Variants in EFCAB8 observed in about 807,000 individuals in gnomAD.
The protein encoded by EFCAB8 is EF-hand calcium binding domain 8, also known as EF-hand calcium-binding domain-containing protein 8.
EFCAB8 carries 100 observed loss-of-function variants against 116.3 expected under a neutral mutation model. The observed-to-expected ratio is 0.86, with a 90% CI of 0.73 to 1.02. The LOEUF (loss-of-function observed/expected upper bound fraction) is 1.02. Ranked by LOEUF, EFCAB8 falls within the 50% of genes least tolerant of loss-of-function variation. The probability of loss-of-function intolerance (pLI) is 0.00; values close to 1 mark genes in which losing one functional copy is unlikely to be tolerated. For synonymous variants in EFCAB8, 558 were observed against 567.9 expected (o/e 0.98, Z 0.25); for missense variants, 1,320 against 1,416.9 (o/e 0.93, Z 1.10).
intron 2 of EFCAB8, among the ~76,000 whole-genome samples, chr20:32,864,234 C>G (rs951128185): frequency 6.6e-6 from 1 of 151,838 alleles, no homozygotes; most frequent in Non-Finnish European, 1.5e-5. Flanking sequence ...CTCAGCCTCC[C>G]AAAGTGCTGG....
chr20:32,920,119 GA>G lies in EFCAB8; in HGVS notation c.2317del (p.Ile773SerfsTer33). On this transcript the variant is annotated frameshift_variant, in exon 20 of 27. Transcript: ENST00000400522. LOFTEE classifies it high-confidence loss of function. ...ASGTSRQSSKIHSKQSIYKED... is the reference protein window; with the variant it reads ...ASGTSRQSSKXHSKQSIYKED... ...CTGGCACATCCAGGCAGTCAAGCAA[GA>G]TCCACAGCAAACAGTCCATTTACAA... 6.4e-7 allele frequency: 1 copy of G among 1,551,754 alleles called. No homozygotes were observed. Among genetic ancestry groups the G allele is most frequent in the Non-Finnish European group, 8.7e-7 (1 of 1,147,012 alleles).
At chr20:32,863,219 C>A (rs555478352) in intron 1 of EFCAB8, among the ~76,000 whole-genome samples, 8 of 152,214 alleles carry the variant, frequency 5.3e-5, no homozygotes, top group African/African-American at 1.9e-4. Context: ...GCTCCAAAGA[C>A]CCTAACAAAA....
intron 24 of EFCAB8, among the ~76,000 whole-genome samples, chr20:32,958,787 G>C (rs1423833203): frequency 4.6e-5 from 7 of 152,186 alleles, no homozygotes; most frequent in African/African-American, 1.4e-4. Context: ...GCAGTGAAAG[G>C]GGAAAATACA....
intron 20 of EFCAB8, among the ~76,000 whole-genome samples, chr20:32,923,740 C>G (rs1987556619): frequency 1.3e-5 from 2 of 152,106 alleles, no homozygotes; most frequent in African/African-American, 4.8e-5. Flanking sequence ...TCACTTGACT[C>G]CTCACGGGCA....
chr20:32,916,584 A>C (rs1054609911), intron 17 of EFCAB8, among the ~76,000 whole-genome samples: 1 of 152,134 alleles, frequency 6.6e-6, no homozygotes, highest in Admixed American at 6.6e-5. Context: ...AAAGGCACTG[A>C]TTCCATTTAT....
chr20:32,934,806 G>T (rs1988040024), intron 22 of EFCAB8, among the ~76,000 whole-genome samples: 1 of 152,154 alleles, frequency 6.6e-6, no homozygotes, highest in Non-Finnish European at 1.5e-5. Context: ...TGCCATGATT[G>T]TGAGGCCTCC....
chr20:32,881,090 T>C (rs1223660361), intron 5 of EFCAB8, among the ~76,000 whole-genome samples: 1 of 152,236 alleles, frequency 6.6e-6, no homozygotes, highest in Non-Finnish European at 1.5e-5. Flanking sequence ...TTCAGGTTTG[T>C]AGGCTTCCTT....
chr20:32,959,880 G>A lies in EFCAB8; in HGVS notation c.3192G>A (p.Trp1064Ter), dbSNP rs559588097. 2 of 1,551,498 alleles carry A rather than the reference G, an allele frequency of 1.3e-6. No individual in the cohort carries two copies. Among genetic ancestry groups the A allele is most frequent in the South Asian group, 2.4e-5 (2 of 84,004 alleles). ...AGGCAGATAAGGAGGCAGACACTTG[G>A]GCCAAGCTGCAGAAGATGGCCCTGA... ...HGKADKEADT[W>*]AKLQKMALMS... The change falls in exon 25 of 27, where the codon TGG (tryptophan) becomes TGA (stop). Residue 1064 changes from tryptophan (W) to a stop codon, truncating the protein, a stop_gained. Transcript: ENST00000400522. LOFTEE classifies it high-confidence loss of function.
chr20:32,864,183 G>A (rs1370079874), intron 2 of EFCAB8, among the ~76,000 whole-genome samples: 1 of 151,806 alleles, frequency 6.6e-6, no homozygotes, highest in Non-Finnish European at 1.5e-5. Flanking sequence ...TACCATGTTG[G>A]CCAGGCTGGT....
At chr20:32,958,908 G>C (rs1989054427) in intron 24 of EFCAB8, among the ~76,000 whole-genome samples, 1 of 152,234 alleles carries the variant, frequency 6.6e-6, no homozygotes, top group African/African-American at 2.4e-5. Flanking sequence ...TGGCAGAGGA[G>C]TGCTCAGGCC....
At position 32,863,813 on chromosome 20, in the gene EFCAB8, AG is replaced by A. The variant is rs1291479818; in HGVS notation, c.22del (p.Glu8ArgfsTer50). MSSEDLA[E>X]IPQLQKLSIP... ...GGCTAATGTCTTCTGAAGACTTAGC[AG>A]AGATCCCTCAACTCCAAAAGGTAAG... On this transcript the variant is annotated frameshift_variant, in exon 2 of 27. Transcript: ENST00000400522. LOFTEE classifies it high-confidence loss of function. 1 of 1,551,552 alleles carries A rather than the reference AG, an allele frequency of 6.4e-7. No homozygotes were observed. Among genetic ancestry groups the A allele is most frequent in the Non-Finnish European group, 8.7e-7 (1 of 1,146,884 alleles).
intron 15 of EFCAB8, 112 bp from the exon 16 acceptor site, chr20:32,911,368 A>G: frequency 2.1e-6 from 2 of 932,728 alleles, no homozygotes; most frequent in Admixed American, 3.3e-5. Context: ...GGGGGCCCTG[A>G]ACGTCTGTTT....
chr20:32,919,128 A>T (rs1987335133), intron 19 of EFCAB8, among the ~76,000 whole-genome samples: 1 of 152,108 alleles, frequency 6.6e-6, no homozygotes. Flanking sequence ...CTGTTTCCCT[A>T]CTTGCAGGGG....
chr20:32,867,746 A>T lies in EFCAB8; in HGVS notation c.207A>T (p.Gly69=), dbSNP rs1324375612. The T allele has an allele frequency of 6.4e-7, 1 of 1,550,890 alleles. No homozygotes were observed. ...TTGAGGAGGACATCAACTCGACTGG[A>T]GGTAAGGCCGCTCTGTAGGCTCGGT... ...KMFEEDINST[G]ALGMDAFIKA... The change falls in exon 3 of 27, where the codon GGA becomes GGT. Residue 69 remains glycine (G), a splice_region_variant and synonymous_variant. Coordinates refer to ENST00000400522, the MANE Select transcript of EFCAB8 (RefSeq NM_001143967.2).
Position 32,920,747 on chromosome 20 carries a change from C to G in EFCAB8, c.2412+532C>G, listed in dbSNP as rs149788251. ...TCAAGTTGAGATTTGAGTGGGGACA[C>G]AGCCAAACCATATCAGCTCCCAAGG... On this transcript the variant is annotated intron_variant, in intron 20 of 26. Transcript: ENST00000400522. Among the ~76,000 whole-genome samples the G allele has an allele frequency of 8.3e-3, 1,266 of 152,190 alleles. 5 individuals are homozygous for G. The highest frequency in any genetic ancestry group is 0.023 in the South Asian group (112 of 4,808).
chr20:32,897,080 G>A (rs560646921), intron 10 of EFCAB8, among the ~76,000 whole-genome samples: 13 of 152,028 alleles, frequency 8.6e-5, no homozygotes, highest in Admixed American at 2.0e-4. Flanking sequence ...TCTGTGCCTC[G>A]GCATGTGCTG....
chr20:32,930,688 G>A, intron 21 of EFCAB8, 72 bp downstream of exon 21: 2 of 1,414,342 alleles, frequency 1.4e-6, no homozygotes, highest in Admixed American at 2.0e-5. Flanking sequence ...TTGCTCACAT[G>A]GCCCTTGCCT....
intron 11 of EFCAB8, among the ~76,000 whole-genome samples, chr20:32,903,031 A>G (rs537239145): frequency 1.2e-3 from 185 of 152,186 alleles, no homozygotes; most frequent in African/African-American, 4.4e-3. Flanking sequence ...TAGCAGCCTC[A>G]CCGTGTCCCC....
chr20:32,919,784 C>T (rs1987361617), intron 19 of EFCAB8, among the ~76,000 whole-genome samples: 1 of 152,194 alleles, frequency 6.6e-6, no homozygotes, highest in African/African-American at 2.4e-5. Context: ...CAGGTGTGAA[C>T]CACCACGACC....
Sources: allele counts gnomAD v4.1 joint callset (sites outside exome capture counted in the v4.1 genomes callset), GRCh38; gene constraint gnomAD v4.1.1; transcripts MANE v1.5; gene names NCBI Gene and HGNC (gene_info 2026-07-23, HGNC 2026-07-21).